The following KCTD16 variants were observed in gnomAD, a reference collection of about 807,000 sequenced individuals.
The protein encoded by KCTD16 is BTB/POZ domain-containing protein KCTD16.
In KCTD16, 13 loss-of-function variants were observed where a neutral mutation model predicts 33.2. The observed-to-expected ratio is 0.39, with a 90% CI of 0.25 to 0.62. KCTD16 has a LOEUF of 0.62. KCTD16 is among the 20% of genes least tolerant of loss of function. The probability of loss-of-function intolerance (pLI) is 0.50; values close to 1 mark genes in which losing one functional copy is unlikely to be tolerated. For missense variants in KCTD16, 441 were observed against 525.1 expected (o/e 0.84, Z 1.57); for synonymous variants, 197 against 195.3 (o/e 1.01, Z -0.07).
At position 144,362,938 on chromosome 5, in the gene KCTD16, A is replaced by G. The variant is rs555145280; in HGVS notation, c.833-110722A>G. 1.8e-3 allele frequency among the ~76,000 whole-genome samples: 277 copies of G among 152,220 alleles called. 3 individuals carry two copies. The highest frequency in any genetic ancestry group is 3.7e-4 in the Non-Finnish European group (25 of 68,002). On this transcript the variant is annotated intron_variant, in intron 3 of 3. Transcript: ENST00000512467. ...GTATGTAAAGTGATTGGCACATAATAACAGCTACTTTGGAAGTCATTTCTC... is the reference window on the plus strand; with the variant it reads ...GTATGTAAAGTGATTGGCACATAATGACAGCTACTTTGGAAGTCATTTCTC...
chr5:144,384,326 C>T (rs1437438735), intron 3 of KCTD16: 1 of 152,116 alleles, frequency 6.6e-6, no homozygotes, highest in Admixed American at 6.5e-5. Context: ...GAACTGGAGG[C>T]TAAGGAAGAA....
At chr5:144,273,325 A>G (rs1755352475) in intron 3 of KCTD16, among the ~76,000 whole-genome samples, 1 of 152,268 alleles carries the variant, frequency 6.6e-6, no homozygotes, top group East Asian at 1.9e-4. Flanking sequence ...TCAGAAAACA[A>G]CAAATGTTGG....
intron 3 of KCTD16, among the ~76,000 whole-genome samples, chr5:144,373,769 C>A (rs1279544046): frequency 6.6e-6 from 1 of 152,212 alleles, no homozygotes; most frequent in Admixed American, 6.5e-5. Flanking sequence ...TGGCAAATCA[C>A]ATCTTCCTGT....
intron 3 of KCTD16, among the ~76,000 whole-genome samples, chr5:144,281,059 G>A (rs982363762): frequency 2.0e-5 from 3 of 149,046 alleles, no homozygotes; most frequent in East Asian, 3.9e-4. Flanking sequence ...GTGGGAGCCT[G>A]TAGTTCCAGC....
intron 3 of KCTD16, among the ~76,000 whole-genome samples, chr5:144,447,048 C>A (rs1753835016): frequency 6.6e-6 from 1 of 152,112 alleles, no homozygotes; most frequent in Admixed American, 6.6e-5. Flanking sequence ...CCAGCAATCC[C>A]ATTACTGAGT....
In KCTD16 at chr5:144,427,316, C is replaced by T. The variant is rs147469247; in HGVS notation, c.833-46344C>T. Among the ~76,000 whole-genome samples the T allele has an allele frequency of 5.2e-3, 790 of 152,140 alleles. 6 individuals are homozygous for T. The highest frequency in any genetic ancestry group is 0.018 in the African/African-American group (759 of 41,512). On this transcript the variant is annotated intron_variant, in intron 3 of 3. Transcript: ENST00000512467. ...TTCAGTTGTTAGCATCAAGGGCTAG[C>T]CTCAATCAAATTCAATAGACATTCC...
At chr5:144,450,121 T>C (rs958475608) in intron 3 of KCTD16, among the ~76,000 whole-genome samples, 4 of 151,928 alleles carry the variant, frequency 2.6e-5, no homozygotes, top group Non-Finnish European at 4.4e-5. Flanking sequence ...AATAATCAGA[T>C]TTTAAAACTG....
chr5:144,186,344 AT>A (rs34046123), intron 2 of KCTD16, among the ~76,000 whole-genome samples: 183 of 51,710 alleles, frequency 3.5e-3, no homozygotes, highest in African/African-American at 0.016. Flanking sequence ...GCTAGATCTC[AT>A]TTTTTTTAAA....
At chr5:144,414,989 G>A (rs765890173) in intron 3 of KCTD16, among the ~76,000 whole-genome samples, 5 of 152,088 alleles carry the variant, frequency 3.3e-5, no homozygotes, top group Admixed American at 6.5e-5. Context: ...TCTGTTTTGG[G>A]CTACTATAAC....
intron 3 of KCTD16, among the ~76,000 whole-genome samples, chr5:144,361,126 T>C (rs1751703157): frequency 6.9e-6 from 1 of 145,670 alleles, no homozygotes; most frequent in African/African-American, 2.5e-5. Flanking sequence ...CATTGTTCAA[T>C]TCCCACCTAT....
chr5:144,180,391 G>A (rs1411461664), intron 2 of KCTD16, among the ~76,000 whole-genome samples: 1 of 152,036 alleles, frequency 6.6e-6, no homozygotes, highest in East Asian at 1.9e-4. Flanking sequence ...AAATTCTTCT[G>A]CCATATTTCT....
At chr5:144,350,849 C>T (rs1041354348) in intron 3 of KCTD16, among the ~76,000 whole-genome samples, 5 of 149,998 alleles carry the variant, frequency 3.3e-5, no homozygotes, top group Non-Finnish European at 7.4e-5. Flanking sequence ...CTGTCACATG[C>T]GGATATTTTG....
intron 3 of KCTD16, among the ~76,000 whole-genome samples, chr5:144,257,986 T>C (rs552322732): frequency 6.6e-6 from 1 of 152,320 alleles, no homozygotes; most frequent in East Asian, 1.9e-4. Context: ...ATATCCATTT[T>C]AATTCATAGA....
At chr5:144,219,574 G>A (rs945859592) in intron 3 of KCTD16, among the ~76,000 whole-genome samples, 3 of 140,354 alleles carry the variant, frequency 2.1e-5, no homozygotes, top group African/African-American at 8.0e-5. Flanking sequence ...AGGCTGGAGT[G>A]CAATGGCGCG....
At chr5:144,338,225 T>G (rs1752539965) in intron 3 of KCTD16, among the ~76,000 whole-genome samples, 1 of 152,080 alleles carries the variant, frequency 6.6e-6, no homozygotes, top group African/African-American at 2.4e-5. Context: ...TGGGAAAAAA[T>G]GTTCTTAAAA....
Position 144,376,181 on chromosome 5 carries a change from T to C in KCTD16, c.833-97479T>C, listed in dbSNP as rs993121518. 2.0e-5 allele frequency among the ~76,000 whole-genome samples: 3 copies of C among 152,200 alleles called. No individual in the cohort carries two copies. The East Asian group carries it at 5.8e-4, about 29-fold the overall frequency. On this transcript the variant is annotated intron_variant, in intron 3 of 3. Coordinates refer to ENST00000512467, the MANE Select transcript of KCTD16 (RefSeq NM_020768.4). ...TTATTATACATCCTTTTTCCTTCTG[T>C]TGTGATATCTGGGTCTCAATACTTT...
At chr5:144,226,403 T>C in intron 3 of KCTD16, among the ~76,000 whole-genome samples, 1 of 152,176 alleles carries the variant, frequency 6.6e-6, no homozygotes, top group East Asian at 1.9e-4. Context: ...GGGTTATCCA[T>C]AGACTACAGA....
intron 3 of KCTD16, among the ~76,000 whole-genome samples, chr5:144,214,849 T>G (rs890281034): frequency 1.3e-5 from 2 of 152,214 alleles, no homozygotes; most frequent in Non-Finnish European, 2.9e-5. Flanking sequence ...CTGTAAGCTT[T>G]GTGAAGCCAG....
chr5:144,227,830 G>C (rs1431693608), intron 3 of KCTD16, among the ~76,000 whole-genome samples: 1 of 152,136 alleles, frequency 6.6e-6, no homozygotes, highest in African/African-American at 2.4e-5. Context: ...TGATGGCATG[G>C]GTGTGTTGTA....
Sources: gnomAD v4.1 joint callset for allele counts (sites outside exome capture counted in the v4.1 genomes callset) on GRCh38, gnomAD v4.1.1 for gene constraint, MANE v1.5 for transcripts, NCBI Gene and HGNC (gene_info 2026-07-23, HGNC 2026-07-21) for gene names.